TMCO5A: variants seen among roughly 807,000 people sequenced by gnomAD.
The protein encoded by TMCO5A is transmembrane and coiled-coil domain-containing protein 5A.
A neutral mutation model predicts 42.3 loss-of-function variants in TMCO5A; 34 were observed. The ratio of observed to expected loss-of-function variants is 0.80; its 90% CI spans 0.61 to 1.07. The LOEUF (loss-of-function observed/expected upper bound fraction) is 1.07, where lower values mean the gene tolerates loss of function less well. TMCO5A is among the 50% of genes least tolerant of loss of function. TMCO5A has a pLI of 0.00. For missense variants in TMCO5A, 357 were observed against 327.9 expected (o/e 1.09, Z -0.69); for synonymous variants, 131 against 115.6 (o/e 1.13, Z -0.86).
chr15:37,946,749 T>A (rs181668827), intron 10 of TMCO5A, among the ~76,000 whole-genome samples: 1 of 151,312 alleles, frequency 6.6e-6, no homozygotes, highest in Non-Finnish European at 1.5e-5. Flanking sequence ...AAGATGCTTT[T>A]GGACTGAGAT....
At chr15:37,991,800 C>A in the TMCO5A span, among the ~76,000 whole-genome samples, 1 of 152,078 alleles carries the variant, frequency 6.6e-6, no homozygotes, top group Non-Finnish European at 1.5e-5. Context: ...AACTGGCTAG[C>A]CATATGCAGA....
the TMCO5A span, among the ~76,000 whole-genome samples, chr15:37,976,413 C>G: frequency 0.024 from 3,629 of 152,116 alleles, 145 homozygotes; most frequent in African/African-American, 0.083. Flanking sequence ...CAGTATGTCA[C>G]AGGGGTTCTC....
chr15:37,941,756 C>G (rs1189298485), intron 8 of TMCO5A, 26 bp downstream of exon 8: 6 of 1,578,972 alleles, frequency 3.8e-6, no homozygotes, highest in Non-Finnish European at 5.2e-6. Context: ...AAAGGGATAG[C>G]AAAGGGTTTA....
chr15:37,979,756 A>C, the TMCO5A span, among the ~76,000 whole-genome samples: 1 of 152,268 alleles, frequency 6.6e-6, no homozygotes, highest in Non-Finnish European at 1.5e-5. Flanking sequence ...AGAGCAGCCA[A>C]AAAGGGCAGG....
the TMCO5A span, among the ~76,000 whole-genome samples, chr15:37,973,202 A>G: frequency 7.3e-6 from 1 of 137,258 alleles, no homozygotes; most frequent in Admixed American, 7.3e-5. Flanking sequence ...GTAACCTTGT[A>G]GTATAGTTTG....
the TMCO5A span, among the ~76,000 whole-genome samples, chr15:38,002,698 T>C: frequency 6.6e-6 from 1 of 151,550 alleles, no homozygotes; most frequent in African/African-American, 2.4e-5. Context: ...GCTTGATTCT[T>C]TTTTTAAAAT....
the TMCO5A span, among the ~76,000 whole-genome samples, chr15:38,013,316 G>A: frequency 6.8e-5 from 10 of 146,736 alleles, no homozygotes; most frequent in Non-Finnish European, 1.0e-4. Context: ...CCACAGGAAG[G>A]AGGGAAAAGG....
chr15:37,992,191 T>A, the TMCO5A span, among the ~76,000 whole-genome samples: 3 of 152,140 alleles, frequency 2.0e-5, no homozygotes, highest in Non-Finnish European at 2.9e-5. Context: ...GCAAAGGACA[T>A]GAACACACAC....
the TMCO5A span, among the ~76,000 whole-genome samples, chr15:38,013,078 C>A: frequency 6.6e-6 from 1 of 152,098 alleles, no homozygotes; most frequent in Non-Finnish European, 1.5e-5. Context: ...AGACAGAGAA[C>A]CACCACTGGG....
At chr15:37,948,639 G>C (rs888989097) in intron 11 of TMCO5A, among the ~76,000 whole-genome samples, 7 of 152,136 alleles carry the variant, frequency 4.6e-5, no homozygotes, top group African/African-American at 1.7e-4. Context: ...TCTGCCTAAA[G>C]AGACTTGGTA....
chr15:37,988,001 T>C, the TMCO5A span, among the ~76,000 whole-genome samples: 2 of 152,074 alleles, frequency 1.3e-5, no homozygotes, highest in East Asian at 3.9e-4. Flanking sequence ...GAATGTAAAA[T>C]GTCTTTCTAT....
intron 10 of TMCO5A, 28 bp from the exon 11 acceptor site, chr15:37,947,628 T>A: frequency 6.5e-7 from 1 of 1,527,828 alleles, no homozygotes; most frequent in Non-Finnish European, 9.0e-7. Flanking sequence ...AGAAATTGCT[T>A]ATTTATCAAT....
At chr15:37,950,630 A>G (rs1363423261) in intron 11 of TMCO5A, among the ~76,000 whole-genome samples, 1 of 152,200 alleles carries the variant, frequency 6.6e-6, no homozygotes, top group African/African-American at 2.4e-5. Context: ...AGATTATTTT[A>G]CATCCATTTG....
the TMCO5A span, among the ~76,000 whole-genome samples, chr15:37,982,855 A>G: frequency 2.0e-5 from 3 of 150,028 alleles, no homozygotes; most frequent in East Asian, 5.8e-4. Context: ...TATATGATTC[A>G]TGGAGACAAA....
the TMCO5A span, among the ~76,000 whole-genome samples, chr15:37,995,716 C>T: frequency 9.9e-5 from 15 of 152,156 alleles, no homozygotes; most frequent in East Asian, 3.9e-4. Flanking sequence ...CTATATGGCA[C>T]GGCTGCAAAA....
At position 37,947,636 on chromosome 15, in the gene TMCO5A, A is replaced by C; in HGVS notation, c.628-20A>C. The C allele has an allele frequency of 1.3e-6, 2 of 1,563,888 alleles. No homozygotes were observed. Among genetic ancestry groups the C allele is most frequent in the South Asian group, 1.1e-5 (1 of 86,980 alleles). On this transcript the variant is annotated intron_variant, in intron 10 of 11. Coordinates refer to ENST00000319669, the MANE Select transcript of TMCO5A (RefSeq NM_152453.4). The stretch of plus-strand genomic sequence containing the variant: ...AGCCTCCAGAAATTGCTTATTTATC[A>C]ATATCCTTTCTTCTTCCAGGGTACT...
chr15:38,039,652 T>C, the TMCO5A span, among the ~76,000 whole-genome samples: 5 of 152,342 alleles, frequency 3.3e-5, no homozygotes, highest in African/African-American at 1.2e-4. Context: ...TGAACTTCCA[T>C]GGCAGTTTAT....
the TMCO5A span, among the ~76,000 whole-genome samples, chr15:38,013,990 G>A: frequency 6.6e-6 from 1 of 152,096 alleles, no homozygotes; most frequent in African/African-American, 2.4e-5. Context: ...AGCTAGCAGT[G>A]TATCATCTTC....
In TMCO5A at chr15:37,941,731, G is replaced by A. The variant is rs753964950; in HGVS notation, c.504+1G>A. 1 of 1,610,062 alleles carries A rather than the reference G, an allele frequency of 6.2e-7. No individual in the cohort carries two copies. The highest frequency in any genetic ancestry group is 1.1e-5 in the South Asian group (1 of 90,972). ...TGAAGATCAAGCCCTCTACATAAAGGTAGAGCTTCTTGGTAAAGGGATAGC... is the reference window on the plus strand; with the variant it reads ...TGAAGATCAAGCCCTCTACATAAAGATAGAGCTTCTTGGTAAAGGGATAGC... On this transcript the variant is annotated splice_donor_variant, in intron 8 of 11. Coordinates refer to ENST00000319669, the MANE Select transcript of TMCO5A (RefSeq NM_152453.4). LOFTEE classifies it high-confidence loss of function.
Sources: gnomAD v4.1 joint callset for allele counts (sites outside exome capture counted in the v4.1 genomes callset) on GRCh38, gnomAD v4.1.1 for gene constraint, MANE v1.5 for transcripts, NCBI Gene and HGNC (gene_info 2026-07-23, HGNC 2026-07-21) for gene names.